Variants in CACNA1A observed in about 807,000 individuals in gnomAD.
CACNA1A encodes voltage-dependent P/Q-type calcium channel subunit alpha-1A.
A neutral mutation model predicts 262.4 loss-of-function variants in CACNA1A; 57 were observed. The ratio of observed to expected loss-of-function variants is 0.22; its 90% confidence interval spans 0.18 to 0.27. The LOEUF (loss-of-function observed/expected upper bound fraction) is 0.27. Among genes scored for constraint, CACNA1A ranks in the 10% least tolerant of loss-of-function variants. The probability of loss-of-function intolerance (pLI) is 1.00; values close to 1 mark genes in which losing one functional copy is unlikely to be tolerated. For synonymous variants in CACNA1A, 1,431 were observed against 1,419.3 expected, an observed-to-expected ratio of 1.01 and a Z score of -0.18; for missense variants, 2,526 against 3,562.8, an observed-to-expected ratio of 0.71 and a Z score of 7.41.
chr19:13,349,414 C>G (rs1231558752), intron 6 of CACNA1A, among the ~76,000 whole-genome samples: 1 of 152,188 alleles, frequency 6.6e-6, no homozygotes, highest in Non-Finnish European at 1.5e-5. Flanking sequence ...TGCCTTGGCC[C>G]AGCTGGCAAA....
intron 3 of CACNA1A, among the ~76,000 whole-genome samples, 173 bp from the exon 4 acceptor site, chr19:13,371,952 G>T (rs1396638454): frequency 6.6e-6 from 1 of 152,100 alleles, no homozygotes. Flanking sequence ...AACAGTACCT[G>T]CCTCACGGGA....
intron 1 of CACNA1A, among the ~76,000 whole-genome samples, chr19:13,505,392 G>A (rs999854): frequency 0.04 from 6,155 of 152,200 alleles, 496 homozygotes; most frequent in East Asian, 0.28. Flanking sequence ...CTTAGCCCTG[G>A]GAGCCCCCAA....
intron 3 of CACNA1A, among the ~76,000 whole-genome samples, chr19:13,383,094 C>T (rs1319961841): frequency 1.3e-5 from 2 of 152,146 alleles, no homozygotes; most frequent in African/African-American, 2.4e-5. Context: ...GAAAGGACCA[C>T]GGAGTGATGT....
chr19:13,283,200 G>A (rs1245163131), intron 22 of CACNA1A, 67 bp downstream of exon 22: 3 of 1,577,956 alleles, frequency 1.9e-6, no homozygotes, highest in Non-Finnish European at 2.6e-6. Context: ...GAGCATTTTG[G>A]ATGCAGGAGA....
At chr19:13,466,003 T>A (rs1462653545) in intron 1 of CACNA1A, among the ~76,000 whole-genome samples, 1 of 151,546 alleles carries the variant, frequency 6.6e-6, no homozygotes, top group Non-Finnish European at 1.5e-5. Context: ...TGGAGGAAGG[T>A]GGTGGGGAGG....
Position 13,461,225 on chromosome 19 carries a change from A to G in CACNA1A, c.294-6013T>C, listed in dbSNP as rs149419536. On this transcript the variant is annotated intron_variant, in intron 1 of 46. Transcript: ENST00000360228. ...CATAGTGGCAGACGCCTGTAATCTC[A>G]GCTACTTGGGAGGCTGAGGCAGGAG... is the stretch of plus-strand genomic sequence containing the variant. Among the ~76,000 whole-genome samples the G allele has an allele frequency of 1.6e-3, 249 of 152,268 alleles. 3 individuals carry two copies. Among genetic ancestry groups the G allele is most frequent in the East Asian group, 0.013 (68 of 5,178 alleles).
At chr19:13,366,182 T>G (rs909725553) in intron 4 of CACNA1A, 3 of 152,236 alleles carry the variant, frequency 2.0e-5, no homozygotes, top group African/African-American at 7.2e-5. Flanking sequence ...CAGGATGGTC[T>G]CGATCTCCTG....
rs1387503215 is a variant in CACNA1A at position 13,207,359 on chromosome 19, T to C, written c.7475A>G (p.Lys2492Arg). 6.4e-7 allele frequency: 1 copy of C among 1,556,394 alleles called. No individual in the cohort carries two copies. Among genetic ancestry groups the C allele is most frequent in the East Asian group, 2.4e-5 (1 of 42,294 alleles). The change falls in exon 47 of 47, where the codon AAG becomes AGG. Residue 2492 changes from lysine to arginine, a missense_variant. Physicochemically the swap from Lys to Arg is conservative, Grantham distance 26. Around this residue, in one of 17 missense-constraint regions of CACNA1A, gnomAD observed 929 missense variants for 868.1 expected, o/e 1.07. Coordinates refer to ENST00000360228, the MANE Select transcript of CACNA1A (RefSeq NM_001127222.2). The surrounding 1 kb of genome is among the most constrained non-coding windows in gnomAD (Gnocchi z 5.7). ...CTCGCTGTAGGGTTCGTGCAGGCCCTTCCTGGAGCCCGGCCCGCGGGGCCT... is the reference window on the plus strand; with the variant it reads ...CTCGCTGTAGGGTTCGTGCAGGCCCCTCCTGGAGCCCGGCCCGCGGGGCCT... Reference protein sequence around the residue: ...LARPRGPGSRKGLHEPYSESD... With the variant: ...LARPRGPGSRRGLHEPYSESD...
At chr19:13,285,019 C>T (rs2057369564) in intron 21 of CACNA1A, 49 bp downstream of exon 21, 1 of 1,608,604 alleles carries the variant, frequency 6.2e-7, no homozygotes. Context: ...TTCCGCCACC[C>T]TGGTGGGAGC....
rs1384912706 is a variant in CACNA1A, at chr19:13,352,871, CA to C, written c.978+6734del. Among the ~76,000 whole-genome samples the C allele has an allele frequency of 3.3e-5, 5 of 152,102 alleles. No homozygotes were observed. The East Asian group carries it at 9.7e-4, about 29-fold the overall frequency. Reference sequence around the variant, plus strand: ...CACTGCAACCTCCACCTCCTGGGCTCAATCGATTTTCCTGCCTCAGCCTCCC... The same window carrying C: ...CACTGCAACCTCCACCTCCTGGGCTCATCGATTTTCCTGCCTCAGCCTCCC... On this transcript the variant is annotated intron_variant, in intron 6 of 46. Coordinates refer to ENST00000360228, the MANE Select transcript of CACNA1A (RefSeq NM_001127222.2).
At chr19:13,376,184 T>G (rs1303949413) in intron 3 of CACNA1A, among the ~76,000 whole-genome samples, 1 of 152,198 alleles carries the variant, frequency 6.6e-6, no homozygotes, top group East Asian at 1.9e-4. Context: ...AAGATCTAGC[T>G]GAGATTATTA....
At chr19:13,301,984 A>G (rs776717595) in intron 17 of CACNA1A, among the ~76,000 whole-genome samples, 1 of 151,978 alleles carries the variant, frequency 6.6e-6, no homozygotes, top group African/African-American at 2.4e-5. Flanking sequence ...AGGCTCCCCA[A>G]ATAATCTATA....
At chr19:13,466,515 AT>A (rs2061242198) in intron 1 of CACNA1A, among the ~76,000 whole-genome samples, 1 of 151,720 alleles carries the variant, frequency 6.6e-6, no homozygotes, top group Admixed American at 6.6e-5. Context: ...TAATTTTTGC[AT>A]TTTTAGTAGA....
At chr19:13,380,264 C>A (rs2059494434) in intron 3 of CACNA1A, among the ~76,000 whole-genome samples, 2 of 63,170 alleles carry the variant, frequency 3.2e-5, no homozygotes, top group East Asian at 5.2e-4. Context: ...AGCCTGGTGA[C>A]AGAGCAAGAT....
At chr19:13,428,130 G>T (rs36094993) in intron 3 of CACNA1A, among the ~76,000 whole-genome samples, 20,215 of 152,246 alleles carry the variant, frequency 0.13, 1,739 homozygotes, top group Non-Finnish European at 0.2. Context: ...GTTTCACCCT[G>T]TTGGTCAGGC....
At chr19:13,231,645 C>T in intron 35 of CACNA1A, 65 bp downstream of exon 35, 1 of 1,511,992 alleles carries the variant, frequency 6.6e-7, no homozygotes, top group South Asian at 1.2e-5. Flanking sequence ...CACAGAAACC[C>T]ACTCCCCTGA....
intron 3 of CACNA1A, among the ~76,000 whole-genome samples, chr19:13,436,514 CTCAT>C (rs1018628078): frequency 4.6e-5 from 7 of 152,068 alleles, no homozygotes; most frequent in African/African-American, 1.5e-4. Context: ...CATTAATTCA[CTCAT>C]TCATTCATTC....
intron 6 of CACNA1A, among the ~76,000 whole-genome samples, chr19:13,347,021 G>T (rs1309815771): frequency 1.3e-5 from 2 of 148,402 alleles, no homozygotes; most frequent in African/African-American, 5.0e-5. Context: ...ATACTTTAAT[G>T]CATTCATATG....
At chr19:13,414,044 T>C (rs1421424619) in intron 3 of CACNA1A, among the ~76,000 whole-genome samples, 1 of 151,272 alleles carries the variant, frequency 6.6e-6, no homozygotes, top group Non-Finnish European at 1.5e-5. Flanking sequence ...GGCAACATAG[T>C]GGGACCCCAT....
Sources: allele counts gnomAD v4.1 joint callset (sites outside exome capture counted in the v4.1 genomes callset), GRCh38; gene constraint gnomAD v4.1.1; regional missense constraint gnomAD v4.1.1; non-coding constraint Gnocchi (gnomAD v3.1); transcripts MANE v1.5; gene names NCBI Gene and HGNC (gene_info 2026-07-23, HGNC 2026-07-21).